Variants in TRPC4 observed in about 807,000 individuals in gnomAD.
TRPC4 encodes the protein short transient receptor potential channel 4.
Under a neutral mutation model 99.4 loss-of-function variants are expected in TRPC4, and 49 were observed. That is an observed-to-expected ratio of 0.49 (90% CI 0.39 to 0.63). The LOEUF (loss-of-function observed/expected upper bound fraction) is 0.63, where lower values mean the gene tolerates loss of function less well. Among genes scored for constraint, TRPC4 ranks in the 20% least tolerant of loss-of-function variants. The pLI, the probability that TRPC4 is intolerant of heterozygous loss-of-function variation, is 0.00. For missense variants in TRPC4, 898 were observed against 1,152.9 expected, an observed-to-expected ratio of 0.78 and a Z score of 3.20; for synonymous variants, 454 against 425.9, an observed-to-expected ratio of 1.07 and a Z score of -0.81.
intron 1 of TRPC4, among the ~76,000 whole-genome samples, chr13:37,783,758 A>G (rs140337995): frequency 1.3e-5 from 2 of 152,306 alleles, no homozygotes; most frequent in Non-Finnish European, 2.9e-5. Context: ...ATTCAAATAT[A>G]TAATTCATTG....
intron 2 of TRPC4, among the ~76,000 whole-genome samples, chr13:37,774,771 A>G (rs182998179): frequency 6.6e-6 from 1 of 151,730 alleles, no homozygotes; most frequent in East Asian, 2.0e-4. Context: ...ACAAAATGAT[A>G]CTCATTTTGC....
At chr13:37,793,077 G>A (rs957093731) in intron 1 of TRPC4, among the ~76,000 whole-genome samples, 6 of 152,100 alleles carry the variant, frequency 3.9e-5, no homozygotes, top group Non-Finnish European at 8.8e-5. Flanking sequence ...AAAATAATAA[G>A]TGACGTTGAG....
chr13:37,688,180 T>C (rs1953556103), intron 4 of TRPC4, among the ~76,000 whole-genome samples: 1 of 152,186 alleles, frequency 6.6e-6, no homozygotes, highest in South Asian at 2.1e-4. Flanking sequence ...TAAAAATAAT[T>C]CTGAAAGCTT....
chr13:37,805,960 G>T (rs1957520024), intron 1 of TRPC4, among the ~76,000 whole-genome samples: 1 of 151,954 alleles, frequency 6.6e-6, no homozygotes, highest in African/African-American at 2.4e-5. Flanking sequence ...TTTCTAAACA[G>T]AATTGGGAAG....
At position 37,825,149 on chromosome 13, in the gene TRPC4, T is replaced by G. The variant is rs932308057; in HGVS notation, c.-27-41789A>C. On this transcript the variant is annotated intron_variant, in intron 1 of 10. Transcript: ENST00000379705. ...TTTATCATTTTTTATTGCATCTATT[T>G]GATTCTTCTCTCTTTTTTTCTTTAG... Among the ~76,000 whole-genome samples, 902 of 152,242 alleles carry G rather than the reference T, an allele frequency of 5.9e-3. 11 individuals carry two copies. The highest frequency in any genetic ancestry group is 0.021 in the African/African-American group (854 of 41,550).
rs555233268 is a variant in TRPC4, at chr13:37,771,643, T to A, written c.378+11313A>T. 2.2e-4 allele frequency among the ~76,000 whole-genome samples: 33 copies of A among 151,600 alleles called. 1 individual carries two copies. The highest frequency in any genetic ancestry group is 8.0e-4 in the African/African-American group (33 of 41,440). On this transcript the variant is annotated intron_variant, in intron 2 of 10. Coordinates refer to ENST00000379705, the MANE Select transcript of TRPC4 (RefSeq NM_016179.4). ...ACAAGTTTTGATTGGTAAGATTCAT[T>A]TTATAACCTAAGAAATAGAAAAATT...
chr13:37,641,974 A>G (rs1189573667), intron 8 of TRPC4, among the ~76,000 whole-genome samples: 1 of 152,222 alleles, frequency 6.6e-6, no homozygotes, highest in Non-Finnish European at 1.5e-5. Context: ...ATAGTAGGAC[A>G]CATATTATGA....
chr13:37,867,214 A>G (rs1462602321), intron 1 of TRPC4, among the ~76,000 whole-genome samples: 2 of 152,002 alleles, frequency 1.3e-5, no homozygotes, highest in Non-Finnish European at 2.9e-5. Context: ...TCATATATCT[A>G]TCTTTACTTA....
chr13:37,686,955 T>G lies in TRPC4; in HGVS notation c.1234+5044A>C, dbSNP rs376195856. On this transcript the variant is annotated intron_variant, in intron 4 of 10. Transcript: ENST00000379705. ...CATATGATAGCCTTCATTAAAGTTC[T>G]TTCTTTCTTTTCTTTTCTTTTTTTT... 3.2e-4 allele frequency among the ~76,000 whole-genome samples: 43 copies of G among 135,000 alleles called. 3 individuals are homozygous for G. The highest frequency in any genetic ancestry group is 1.3e-3 in the African/African-American group (41 of 32,058). The allele number at this position is 135,000 out of a possible 152,430, so 88.6% of individuals were successfully genotyped here.
chr13:37,776,291 C>T (rs904281337), intron 2 of TRPC4, among the ~76,000 whole-genome samples: 4 of 151,666 alleles, frequency 2.6e-5, no homozygotes, highest in Admixed American at 6.6e-5. Flanking sequence ...TTAATCTTAA[C>T]GGCAGAATAA....
chr13:37,793,182 G>A lies in TRPC4; in HGVS notation c.-27-9822C>T, dbSNP rs1593756780. On this transcript the variant is annotated intron_variant, in intron 1 of 10. Coordinates refer to ENST00000379705, the MANE Select transcript of TRPC4 (RefSeq NM_016179.4). ...AGTTAAATATTAAAGCACGTAAAAT[G>A]ATAGGAAAATATAAATAAATATTAG... is the stretch of plus-strand genomic sequence containing the variant. Among the ~76,000 whole-genome samples the A allele has an allele frequency of 3.3e-5, 5 of 152,260 alleles. No homozygotes were observed. In the South Asian group the frequency reaches 1.0e-3, roughly 32 times the overall value.
At chr13:37,765,200 A>G (rs6650361) in intron 2 of TRPC4, among the ~76,000 whole-genome samples, 15,117 of 151,376 alleles carry the variant, frequency 0.1, 1,101 homozygotes, top group African/African-American at 0.21. Flanking sequence ...CTTGATTATC[A>G]AATCTATCAG....
At position 37,634,745 on chromosome 13, in the gene TRPC4, T is replaced by A. The variant is rs1408407958; in HGVS notation, c.*2158A>T. On this transcript the variant is annotated 3_prime_UTR_variant, in exon 11 of 11. Coordinates refer to ENST00000379705, the MANE Select transcript of TRPC4 (RefSeq NM_016179.4). ...GGCAAAAAGAAATTAATAGAAAATA[T>A]CCCAAATATTAACAATAGGCCTACA... Among the ~76,000 whole-genome samples the A allele has an allele frequency of 6.6e-6, 1 of 151,962 alleles. No homozygotes were observed. The highest frequency in any genetic ancestry group is 1.5e-5 in the Non-Finnish European group (1 of 67,944).
intron 2 of TRPC4, among the ~76,000 whole-genome samples, chr13:37,751,394 ATGAG>A (rs1447628214): frequency 6.9e-5 from 9 of 130,962 alleles, no homozygotes; most frequent in Non-Finnish European, 1.3e-4. Flanking sequence ...TGAGAAAAGA[ATGAG>A]AGAGAGAGAG....
At position 37,642,189 on chromosome 13, in the gene TRPC4, A is replaced by T. The variant is rs117143927; in HGVS notation, c.2080-2890T>A. 4.8e-3 allele frequency among the ~76,000 whole-genome samples: 727 copies of T among 152,228 alleles called. 2 individuals carry two copies. The highest frequency in any genetic ancestry group is 6.9e-3 in the Non-Finnish European group (470 of 68,012). On this transcript the variant is annotated intron_variant, in intron 8 of 10. Transcript: ENST00000379705. Reference sequence around the variant, plus strand: ...CTTCTGGTAAATTTGGATAGATGTGACCCAGACTCTGTAGGCAGTCATCTT... The same window carrying T: ...CTTCTGGTAAATTTGGATAGATGTGTCCCAGACTCTGTAGGCAGTCATCTT...
At chr13:37,822,994 T>C (rs1958061459) in intron 1 of TRPC4, among the ~76,000 whole-genome samples, 1 of 148,806 alleles carries the variant, frequency 6.7e-6, no homozygotes, top group Non-Finnish European at 1.5e-5. Context: ...CTCATTGTGG[T>C]TTTGATTTGC....
chr13:37,789,324 C>G (rs962841778), intron 1 of TRPC4, among the ~76,000 whole-genome samples: 5 of 152,110 alleles, frequency 3.3e-5, no homozygotes, highest in Non-Finnish European at 7.4e-5. Context: ...CTTAGCAACT[C>G]CTGCCGGGTT....
rs1593537977 is a variant in TRPC4 at position 37,698,945 on chromosome 13, T to C, written c.898-6610A>G. 2.0e-5 allele frequency among the ~76,000 whole-genome samples: 3 copies of C among 152,192 alleles called. No homozygotes were observed. In the East Asian group the frequency reaches 5.8e-4, roughly 29 times the overall value. ...CAGATATTTACCCTATGCACCACCATATGCCTTCATCATGACTCCAAAGTT... is the reference window on the plus strand; with the variant it reads ...CAGATATTTACCCTATGCACCACCACATGCCTTCATCATGACTCCAAAGTT... On this transcript the variant is annotated intron_variant, in intron 3 of 10. Transcript: ENST00000379705.
intron 4 of TRPC4, among the ~76,000 whole-genome samples, chr13:37,682,811 T>C (rs544422938): frequency 6.6e-6 from 1 of 152,160 alleles, no homozygotes; most frequent in East Asian, 1.9e-4. Context: ...AGTGTAGTGG[T>C]GCATTATATC....
Sources: gnomAD v4.1 joint callset for allele counts (sites outside exome capture counted in the v4.1 genomes callset) on GRCh38, gnomAD v4.1.1 for gene constraint, MANE v1.5 for transcripts, NCBI Gene and HGNC (gene_info 2026-07-23, HGNC 2026-07-21) for gene names.